Variants in CD96 observed in about 807,000 individuals in gnomAD.
CD96 encodes T-cell surface protein tactile.
CD96 carries 70 observed loss-of-function variants against 71.3 expected under a neutral mutation model. That is an observed-to-expected ratio of 0.98 (90% CI 0.81 to 1.20). The LOEUF (loss-of-function observed/expected upper bound fraction) is 1.20. Ranked by LOEUF, CD96 falls within the 50% of genes most tolerant of loss-of-function variation. The probability of loss-of-function intolerance (pLI) is 0.00; values close to 1 mark genes in which losing one functional copy is unlikely to be tolerated. For synonymous variants in CD96, 248 were observed against 233.0 expected (o/e 1.06, Z -0.59); for missense variants, 742 against 677.5 (o/e 1.10, Z -1.06).
At chr3:111,660,671 A>G (rs1271131292) in intron 14 of CD96, among the ~76,000 whole-genome samples, 1 of 152,218 alleles carries the variant, frequency 6.6e-6, no homozygotes, top group Non-Finnish European at 1.5e-5. Flanking sequence ...AAAAACAGAC[A>G]CATAAACCCG....
At chr3:111,656,393 C>T (rs1206624561), downstream of CD96, among the ~76,000 whole-genome samples, 1 of 152,142 alleles carries the variant, frequency 6.6e-6, no homozygotes, top group Admixed American at 6.5e-5. Context: ...CATGCACACT[C>T]ATATACTGCT....
intron 8 of CD96, among the ~76,000 whole-genome samples, chr3:111,615,368 G>A (rs1938177842): frequency 6.6e-6 from 1 of 152,200 alleles, no homozygotes; most frequent in Non-Finnish European, 1.5e-5. Context: ...ATGCAGAAAA[G>A]GGAAAGCTTT....
At chr3:111,600,381 G>A (rs1021999277) in intron 6 of CD96, among the ~76,000 whole-genome samples, 11 of 152,152 alleles carry the variant, frequency 7.2e-5, no homozygotes, top group African/African-American at 2.4e-4. Context: ...CCCAAGATCC[G>A]ACCTAGACTA....
intron 12 of CD96, among the ~76,000 whole-genome samples, chr3:111,642,311 A>G (rs1939628968): frequency 1.3e-5 from 2 of 152,244 alleles, no homozygotes; most frequent in African/African-American, 4.8e-5. Context: ...GAAATGGGAG[A>G]TATTACAACT....
chr3:111,609,224 G>GTGTAC (rs1559754306), intron 8 of CD96, among the ~76,000 whole-genome samples: 1 of 152,120 alleles, frequency 6.6e-6, no homozygotes, highest in Non-Finnish European at 1.5e-5. Context: ...AGGTGGTATT[G>GTGTAC]TGTACCAAAA....
chr3:111,597,449 G>A (rs986111143), intron 5 of CD96, among the ~76,000 whole-genome samples: 2 of 151,902 alleles, frequency 1.3e-5, no homozygotes, highest in Non-Finnish European at 2.9e-5. Flanking sequence ...AAATATGTTG[G>A]ACTGAGATTA....
At chr3:111,577,493 C>G in intron 3 of CD96, 1 of 1,594,572 alleles carries the variant, frequency 6.3e-7, no homozygotes, top group Non-Finnish European at 8.6e-7. Context: ...TTTTGCTCTT[C>G]TTCCTTAGGA....
intron 2 of CD96, among the ~76,000 whole-genome samples, chr3:111,548,683 T>C (rs187781126): frequency 2.3e-4 from 35 of 152,306 alleles, no homozygotes; most frequent in Middle Eastern, 3.4e-3. Flanking sequence ...TGGTGGGCTG[T>C]TAATGTTATT....
intron 3 of CD96, among the ~76,000 whole-genome samples, chr3:111,572,135 G>A (rs990657663): frequency 5.9e-5 from 9 of 152,108 alleles, no homozygotes; most frequent in Non-Finnish European, 1.0e-4. Context: ...CTACCCGCAC[G>A]TACAACAATA....
intron 4 of CD96, among the ~76,000 whole-genome samples, chr3:111,579,970 T>C (rs948958826): frequency 6.6e-6 from 1 of 152,234 alleles, no homozygotes; most frequent in African/African-American, 2.4e-5. Context: ...ATCTCTTTAA[T>C]TGTAACTGCC....
At chr3:111,545,938 T>C (rs1219364906) in intron 2 of CD96, among the ~76,000 whole-genome samples, 1 of 151,944 alleles carries the variant, frequency 6.6e-6, no homozygotes, top group Admixed American at 6.6e-5. Context: ...TAAGAAGACA[T>C]GGAAGTATTT....
At position 111,600,763 on chromosome 3, in the gene CD96, T is replaced by C. The variant is rs1380167125; in HGVS notation, c.936T>C (p.Asp312=). ...CTAATGAAGAGAGAAAAGGCAAAGATGGATTTTTGGAACTGAAGTCTGTTT... is the reference window on the plus strand; with the variant it reads ...CTAATGAAGAGAGAAAAGGCAAAGACGGATTTTTGGAACTGAAGTCTGTTT... ...YITNEERKGK[D]GFLELKSVLT... is the part of the protein sequence containing the mutation. The change falls in exon 7 of 14, where the codon GAT becomes GAC. Residue 312 remains aspartate, a synonymous_variant. Transcript: ENST00000352690. 10 of 1,613,550 alleles carry C rather than the reference T, an allele frequency of 6.2e-6. No homozygotes were observed. The highest frequency in any genetic ancestry group is 1.3e-5 in the African/African-American group (1 of 74,926).
Position 111,545,270 on chromosome 3 carries a change from G to C in CD96, c.286G>C (p.Glu96Gln). ...ACTTGTGACTTTCACAGAAACTCCT[G>C]AGAATGGGTCAAAATGGACTCTGCA... ...ESLVTFTETP[E>Q]NGSKWTLHLR... The change falls in exon 2 of 14, where the codon GAG becomes CAG. Residue 96 changes from glutamate to glutamine, a missense_variant. Coordinates refer to ENST00000352690, the MANE Select transcript of CD96 (RefSeq NM_005816.5). 1 of 1,614,098 alleles carries C rather than the reference G, an allele frequency of 6.2e-7. No individual in the cohort carries two copies. The highest frequency in any genetic ancestry group is 8.5e-7 in the Non-Finnish European group (1 of 1,179,958).
Position 111,545,253 on chromosome 3 carries a change from C to T in CD96, c.269C>T (p.Thr90Ile). Residue 90 changes from threonine (T) to isoleucine (I), a missense_variant, in exon 2 of 14, where the codon ACT becomes ATT. Transcript: ENST00000352690. ...GGGAGACCCTGTGAGTCACTTGTGA[C>T]TTTCACAGAAACTCCTGAGAATGGG... ...AYGRPCESLVTFTETPENGSK... is the reference protein window; with the variant it reads ...AYGRPCESLVIFTETPENGSK... 2 of 1,614,142 alleles carry T rather than the reference C, an allele frequency of 1.2e-6. No homozygotes were observed. Among genetic ancestry groups the T allele is most frequent in the Non-Finnish European group, 1.7e-6 (2 of 1,180,010 alleles).
chr3:111,654,917 G>A (rs1390264618), downstream of CD96, among the ~76,000 whole-genome samples: 1 of 152,224 alleles, frequency 6.6e-6, no homozygotes, highest in Non-Finnish European at 1.5e-5. Flanking sequence ...GAATCCTGCA[G>A]AGAAGTTTGA....
At chr3:111,625,990 G>A (rs1938730309) in intron 10 of CD96, among the ~76,000 whole-genome samples, 3 of 152,086 alleles carry the variant, frequency 2.0e-5, no homozygotes. Flanking sequence ...AAACACACGT[G>A]GCTAGAAACA....
intron 2 of CD96, among the ~76,000 whole-genome samples, chr3:111,564,005 CTA>C (rs1195831821): frequency 6.6e-6 from 1 of 152,064 alleles, no homozygotes; most frequent in Non-Finnish European, 1.5e-5. Context: ...CTATGTTACT[CTA>C]TTGTTTTCTG....
At chr3:111,619,230 A>C (rs900532775) in intron 8 of CD96, among the ~76,000 whole-genome samples, 5 of 150,888 alleles carry the variant, frequency 3.3e-5, no homozygotes, top group African/African-American at 1.2e-4. Flanking sequence ...TTCTAACTTA[A>C]TTGAATTTCC....
At chr3:111,629,392 C>T (rs1938945010) in intron 10 of CD96, among the ~76,000 whole-genome samples, 1 of 151,562 alleles carries the variant, frequency 6.6e-6, no homozygotes, top group African/African-American at 2.4e-5. Context: ...TACTTTAAAC[C>T]AACAAAGATA....
Sources: allele counts gnomAD v4.1 joint callset (sites outside exome capture counted in the v4.1 genomes callset), GRCh38; gene constraint gnomAD v4.1.1; transcripts MANE v1.5; gene names NCBI Gene and HGNC (gene_info 2026-07-23, HGNC 2026-07-21).